The following ZSWIM3 variants were observed in gnomAD, a reference collection of about 807,000 sequenced individuals.
The protein encoded by ZSWIM3 is zinc finger SWIM-type containing 3.
ZSWIM3 carries 27 observed loss-of-function variants against 47.5 expected under a neutral mutation model. That is an observed-to-expected ratio of 0.57 (90% CI 0.42 to 0.78). The LOEUF (loss-of-function observed/expected upper bound fraction) is 0.78, where lower values mean the gene tolerates loss of function less well. Among genes scored for constraint, ZSWIM3 ranks in the 30% least tolerant of loss-of-function variants. ZSWIM3 has a pLI of 0.00. For synonymous variants in ZSWIM3, 333 were observed against 333.9 expected, an observed-to-expected ratio of 1.00 and a Z score of 0.03; for missense variants, 689 against 861.3, an observed-to-expected ratio of 0.80 and a Z score of 2.50.
chr20:45,876,977 C>G lies in ZSWIM3; in HGVS notation c.419C>G (p.Thr140Ser). The G allele has an allele frequency of 3.1e-6, 5 of 1,614,142 alleles. No homozygotes were observed. Among genetic ancestry groups the G allele is most frequent in the Non-Finnish European group, 4.2e-6 (5 of 1,180,042 alleles). The change falls in exon 2 of 2, where the codon ACT becomes AGT. Residue 140 changes from threonine (T) to serine (S), a missense_variant. Transcript: ENST00000255152. ...CCCACAACCAAAAAAGACCTTGACA[C>G]TGCCGAGAAGTCCCTGGTTGAGCCA... ...VQPTTKKDLDTAEKSLVEPSF... is the reference protein window; with the variant it reads ...VQPTTKKDLDSAEKSLVEPSF...
At chr20:45,868,809 T>C (rs1360356243) in intron 1 of ZSWIM3, among the ~76,000 whole-genome samples, 2 of 152,110 alleles carry the variant, frequency 1.3e-5, no homozygotes, top group African/African-American at 2.4e-5. Flanking sequence ...ATAATCATTA[T>C]TTTTATTTTT....
Position 45,877,152 on chromosome 20 carries a change from G to C in ZSWIM3, c.594G>C (p.Gln198His). ...CTTCCTTCAGTGTGGGTGACAGCCAGCACCTGGACCGGCTCAGCTTCCAGA... is the reference window on the plus strand; with the variant it reads ...CTTCCTTCAGTGTGGGTGACAGCCACCACCTGGACCGGCTCAGCTTCCAGA... ...SMASFSVGDSQHLDRLSFQSS... is the reference protein window; with the variant it reads ...SMASFSVGDSHHLDRLSFQSS... Residue 198 changes from glutamine to histidine, a missense_variant, in exon 2 of 2, where the codon CAG becomes CAC. By Grantham distance (24) the Gln-to-His change is conservative. Transcript: ENST00000255152. 5 of 1,614,156 alleles carry C rather than the reference G, an allele frequency of 3.1e-6. No homozygotes were observed. Among genetic ancestry groups the C allele is most frequent in the Non-Finnish European group, 4.2e-6 (5 of 1,180,030 alleles).
intron 1 of ZSWIM3, chr20:45,872,604 C>A: frequency 1.2e-6 from 1 of 834,344 alleles, no homozygotes; most frequent in Non-Finnish European, 1.6e-6. Context: ...GACAAAGGGA[C>A]AAACATGCAC....
rs376382196 is a variant in ZSWIM3, at chr20:45,857,831, G to A, written c.6G>A (p.Glu2=). ...TGTGGGTTGTGGGGGCGGCCATGGAGCTGGGCAGCTGCTTCAAGACCTATG... is the reference window on the plus strand; with the variant it reads ...TGTGGGTTGTGGGGGCGGCCATGGAACTGGGCAGCTGCTTCAAGACCTATG... M[E]LGSCFKTYED... is the part of the protein sequence containing the mutation. Residue 2 remains glutamate, a synonymous_variant, in exon 1 of 2, where the codon GAG becomes GAA. Transcript: ENST00000255152. 595 of 1,613,880 alleles carry A rather than the reference G, an allele frequency of 3.7e-4. 1 individual carries two copies. Among genetic ancestry groups the A allele is most frequent in the Non-Finnish European group, 4.7e-4 (551 of 1,179,906 alleles).
chr20:45,866,395 C>T lies in ZSWIM3; in HGVS notation c.155+8415C>T, dbSNP rs55789547. ...TTCTTTTTCTACAAAACTGGCCTAA[C>T]GGTTAAAAGGAAGAGCTCTGGAGTA... On this transcript the variant is annotated intron_variant, in intron 1 of 1. Coordinates refer to ENST00000255152, the MANE Select transcript of ZSWIM3 (RefSeq NM_080752.4). Among the ~76,000 whole-genome samples, 749 of 152,220 alleles carry T rather than the reference C, an allele frequency of 4.9e-3. 2 individuals are homozygous for T. Among genetic ancestry groups the T allele is most frequent in the African/African-American group, 0.016 (685 of 41,542 alleles).
intron 1 of ZSWIM3, among the ~76,000 whole-genome samples, chr20:45,858,449 A>G (rs952109461): frequency 2.6e-5 from 4 of 152,190 alleles, no homozygotes; most frequent in African/African-American, 9.7e-5. Context: ...CAGTGGCACA[A>G]TCAGCTCACT....
intron 1 of ZSWIM3, among the ~76,000 whole-genome samples, chr20:45,870,252 A>T (rs1394025700): frequency 6.6e-6 from 1 of 151,888 alleles, no homozygotes; most frequent in Non-Finnish European, 1.5e-5. Flanking sequence ...AGGCAGGAGA[A>T]TCGCTTGAAC....
chr20:45,867,619 G>A (rs1952273254), intron 1 of ZSWIM3, among the ~76,000 whole-genome samples: 1 of 152,174 alleles, frequency 6.6e-6, no homozygotes, highest in African/African-American at 2.4e-5. Flanking sequence ...TGGGCAGTTG[G>A]CCTTGGAGTA....
intron 1 of ZSWIM3, among the ~76,000 whole-genome samples, chr20:45,859,010 G>A (rs1164793815): frequency 6.6e-6 from 1 of 152,128 alleles, no homozygotes; most frequent in African/African-American, 2.4e-5. Flanking sequence ...GACAACAGAA[G>A]TGTGAAATGG....
At position 45,864,452 on chromosome 20, in the gene ZSWIM3, T is replaced by C. The variant is rs1286843692; in HGVS notation, c.155+6472T>C. Among the ~76,000 whole-genome samples, 5 of 152,178 alleles carry C rather than the reference T, an allele frequency of 3.3e-5. No individual in the cohort carries two copies. The East Asian group carries it at 7.7e-4, about 23-fold the overall frequency. ...TTTTTAGGAGGTAATTTAGTACATG[T>C]TTCTGCAGCCAAATACACATATTAC... On this transcript the variant is annotated intron_variant, in intron 1 of 1. Coordinates refer to ENST00000255152, the MANE Select transcript of ZSWIM3 (RefSeq NM_080752.4).
In ZSWIM3 at chr20:45,877,016, A is replaced by G; in HGVS notation, c.458A>G (p.Asp153Gly). The G allele has an allele frequency of 6.2e-7, 1 of 1,614,184 alleles. No homozygotes were observed. Among genetic ancestry groups the G allele is most frequent in the South Asian group, 1.1e-5 (1 of 91,086 alleles). ...CTGGTTGAGCCATCGTTTTGCCTAG[A>G]TAAGGTACAAGTGTCCTCAAAGCCA... is the stretch of plus-strand genomic sequence containing the variant. ...KSLVEPSFCLDKVQVSSKPEQ... is the reference protein window; with the variant it reads ...KSLVEPSFCLGKVQVSSKPEQ... Residue 153 changes from aspartate to glycine, a missense_variant, in exon 2 of 2, where the codon GAT becomes GGT. By Grantham distance (94) the Asp-to-Gly change is moderately conservative (BLOSUM62 -1). Transcript: ENST00000255152.
In ZSWIM3 at chr20:45,877,332, A is replaced by G. The variant is rs1255754755; in HGVS notation, c.774A>G (p.Thr258=). 2 of 1,614,176 alleles carry G rather than the reference A, an allele frequency of 1.2e-6. No homozygotes were observed. Among genetic ancestry groups the G allele is most frequent in the Admixed American group, 1.7e-5 (1 of 60,020 alleles). The change falls in exon 2 of 2, where the codon ACA becomes ACG. Residue 258 remains threonine, a synonymous_variant. Coordinates refer to ENST00000255152, the MANE Select transcript of ZSWIM3 (RefSeq NM_080752.4). ...ACTTTGCTGTGCTCAAGGCGGAGAC[A>G]GTCACCTCTGTGGCCAAGATGCTGA... ...VVHFAVLKAE[T]VTSVAKMLSI... is the part of the protein sequence containing the mutation.
At position 45,877,232 on chromosome 20, in the gene ZSWIM3, G is replaced by A. The variant is rs571379942; in HGVS notation, c.674G>A (p.Arg225Gln). The change falls in exon 2 of 2, where the codon CGG becomes CAG. Residue 225 changes from arginine to glutamine, a missense_variant. Physicochemically the swap from Arg to Gln is conservative, Grantham distance 43. Coordinates refer to ENST00000255152, the MANE Select transcript of ZSWIM3 (RefSeq NM_080752.4). ...IRFPENLLLH[R>Q]VENTQGHILY... The stretch of plus-strand genomic sequence containing the variant: ...TTCCCAGAGAATCTCTTGCTACACC[G>A]GGTGGAGAACACCCAGGGCCACATC... 185 of 1,614,004 alleles carry A rather than the reference G, an allele frequency of 1.1e-4. 2 individuals are homozygous for A. In the South Asian group the frequency reaches 1.9e-3, roughly 16 times the overall value.
chr20:45,870,185 T>C (rs1985942149), intron 1 of ZSWIM3, among the ~76,000 whole-genome samples: 1 of 147,780 alleles, frequency 6.8e-6, no homozygotes, highest in Admixed American at 6.8e-5. Flanking sequence ...CTACTAAAAA[T>C]ACAAAAATTA....
chr20:45,877,370 A>C lies in ZSWIM3; in HGVS notation c.812A>C (p.Glu271Ala). ...SVAKMLSIFT[E>A]FNSDWPKVKV... is the part of the protein sequence containing the mutation. Reference sequence around the variant, plus strand: ...GCCAAGATGCTGAGCATCTTCACAGAGTTCAACTCCGATTGGCCCAAGGTC... The same window carrying C: ...GCCAAGATGCTGAGCATCTTCACAGCGTTCAACTCCGATTGGCCCAAGGTC... The change falls in exon 2 of 2, where the codon GAG (glutamate) becomes GCG (alanine). Residue 271 changes from glutamate to alanine, a missense_variant. By Grantham distance (107) the Glu-to-Ala change is moderately radical (BLOSUM62 -1). Coordinates refer to ENST00000255152, the MANE Select transcript of ZSWIM3 (RefSeq NM_080752.4). 6.2e-7 allele frequency: 1 copy of C among 1,614,178 alleles called. No individual in the cohort carries two copies.
chr20:45,868,606 C>T (rs548116015), intron 1 of ZSWIM3, among the ~76,000 whole-genome samples: 73 of 152,026 alleles, frequency 4.8e-4, no homozygotes, highest in Non-Finnish European at 8.7e-4. Flanking sequence ...TGGTCTTGAA[C>T]TCCTGACCTC....
chr20:45,870,398 G>T (rs560396479), intron 1 of ZSWIM3, among the ~76,000 whole-genome samples: 3 of 151,578 alleles, frequency 2.0e-5, no homozygotes, highest in South Asian at 4.2e-4. Context: ...TCTTTGTCCC[G>T]AATTGGGCCA....
At position 45,877,494 on chromosome 20, in the gene ZSWIM3, A is replaced by C. The variant is rs1476916465; in HGVS notation, c.936A>C (p.Arg312=). The C allele has an allele frequency of 6.2e-7, 1 of 1,613,674 alleles. No individual in the cohort carries two copies. The highest frequency in any genetic ancestry group is 8.5e-7 in the Non-Finnish European group (1 of 1,179,922). ...RILLSIYHTT[R]LLEKKLHRSS... Reference sequence around the variant, plus strand: ...TCCTTTCCATCTACCACACAACCCGACTCTTGGAGAAGAAGTTGCATCGTA... The same window carrying C: ...TCCTTTCCATCTACCACACAACCCGCCTCTTGGAGAAGAAGTTGCATCGTA... The change falls in exon 2 of 2, where the codon CGA becomes CGC. Residue 312 remains arginine, a synonymous_variant. Transcript: ENST00000255152.
chr20:45,869,262 T>A (rs1985913383), intron 1 of ZSWIM3, among the ~76,000 whole-genome samples: 1 of 151,920 alleles, frequency 6.6e-6, no homozygotes, highest in Admixed American at 6.6e-5. Flanking sequence ...CTCATGCCTA[T>A]AATCCTAGCA....
Sources: allele counts gnomAD v4.1 joint callset (sites outside exome capture counted in the v4.1 genomes callset), GRCh38; gene constraint gnomAD v4.1.1; transcripts MANE v1.5; gene names NCBI Gene and HGNC (gene_info 2026-07-23, HGNC 2026-07-21).